The following IL15 variants were observed in gnomAD, a reference collection of about 807,000 sequenced individuals.
IL15 encodes interleukin 15, also known as interleukin-15.
A neutral mutation model predicts 19.6 loss-of-function variants in IL15; 11 were observed. The ratio of observed to expected loss-of-function variants is 0.56; its 90% CI spans 0.35 to 0.93. The LOEUF (loss-of-function observed/expected upper bound fraction) is 0.93, where lower values mean the gene tolerates loss of function less well. IL15 is among the 40% of genes least tolerant of loss of function. IL15 has a pLI of 0.01. For synonymous variants in IL15, 58 were observed against 59.6 expected (o/e 0.97, Z 0.12); for missense variants, 197 against 186.5 (o/e 1.06, Z -0.33).
chr4:141,675,665 T>G (rs1032794314), intron 2 of IL15, among the ~76,000 whole-genome samples: 1 of 152,070 alleles, frequency 6.6e-6, no homozygotes, highest in Non-Finnish European at 1.5e-5. Flanking sequence ...GTCATGACAT[T>G]ACAAGAAAAA....
chr4:141,650,234 C>T (rs1727358854), intron 1 of IL15, among the ~76,000 whole-genome samples: 1 of 151,972 alleles, frequency 6.6e-6, no homozygotes, highest in Non-Finnish European at 1.5e-5. Context: ...ATTTATTGTT[C>T]TGACCCAGAA....
intron 2 of IL15, among the ~76,000 whole-genome samples, chr4:141,709,080 TTTTCAATATTGAAAAA>T (rs1432512300): frequency 1.4e-5 from 2 of 142,016 alleles, no homozygotes; most frequent in East Asian, 2.0e-4. Context: ...ATATTGAAAA[TTTTCAATATTGAAAAA>T]TTTCAATATT....
At chr4:141,695,176 C>A (rs1329227228) in intron 2 of IL15, among the ~76,000 whole-genome samples, 1 of 151,966 alleles carries the variant, frequency 6.6e-6, no homozygotes, top group East Asian at 1.9e-4. Context: ...GGCAGCCACC[C>A]CTATCTAATT....
intron 1 of IL15, among the ~76,000 whole-genome samples, chr4:141,645,297 T>C (rs748865968): frequency 6.6e-6 from 1 of 152,136 alleles, no homozygotes; most frequent in African/African-American, 2.4e-5. Context: ...GTTGGCAAGG[T>C]CTGTGAGACA....
chr4:141,708,342 G>A (rs115261149), intron 2 of IL15, among the ~76,000 whole-genome samples: 319 of 152,264 alleles, frequency 2.1e-3, no homozygotes, highest in African/African-American at 6.9e-3. Context: ...TGAGAGCAGG[G>A]CCTCAGGGAT....
chr4:141,708,299 G>A lies in IL15; in HGVS notation c.-99-11067G>A, dbSNP rs1729593568. Among the ~76,000 whole-genome samples the A allele has an allele frequency of 2.0e-5, 3 of 152,170 alleles. No individual in the cohort carries two copies. The South Asian group carries it at 6.2e-4, about 32-fold the overall frequency. On this transcript the variant is annotated intron_variant, in intron 2 of 7. Coordinates refer to ENST00000320650, the MANE Select transcript of IL15 (RefSeq NM_000585.5). ...CTATGCTCTAGGTAGCTGAGTTTGT[G>A]GTGGTGCAAGCATTCATGTGAACAT... is the stretch of plus-strand genomic sequence containing the variant.
intron 2 of IL15, among the ~76,000 whole-genome samples, chr4:141,713,166 T>C (rs1365165617): frequency 6.6e-6 from 1 of 152,178 alleles, no homozygotes; most frequent in Non-Finnish European, 1.5e-5. Flanking sequence ...GGTGTCAATT[T>C]AAAACAGTTT....
At chr4:141,655,554 G>T (rs1468033232) in intron 1 of IL15, among the ~76,000 whole-genome samples, 1 of 151,916 alleles carries the variant, frequency 6.6e-6, no homozygotes, top group Non-Finnish European at 1.5e-5. Context: ...TAAAATAAAA[G>T]TTATACTACT....
In IL15 at chr4:141,733,056, C is replaced by A. The variant is rs2152195065; in HGVS notation, c.*208C>A. ...ATAGTGACTATGAACTTCTCTCAGACTTACTTTACTCATTTTTTTAATTTA... is the reference window on the plus strand; with the variant it reads ...ATAGTGACTATGAACTTCTCTCAGAATTACTTTACTCATTTTTTTAATTTA... On this transcript the variant is annotated 3_prime_UTR_variant, in exon 8 of 8. Coordinates refer to ENST00000320650, the MANE Select transcript of IL15 (RefSeq NM_000585.5). 2.0e-6 allele frequency: 1 copy of A among 509,034 alleles called. No homozygotes were observed. The highest frequency in any genetic ancestry group is 3.0e-6 in the Non-Finnish European group (1 of 331,200). 31.5% of individuals were successfully genotyped at this position (509,034 alleles called of 1,614,324 possible). A position where few individuals can be genotyped will look rare whatever the true frequency, so the allele number is the denominator to read the frequency against.
At chr4:141,669,248 A>AAT (rs537244461) in intron 2 of IL15, among the ~76,000 whole-genome samples, 101 of 152,344 alleles carry the variant, frequency 6.6e-4, no homozygotes, top group African/African-American at 2.3e-3. Flanking sequence ...TTGGAAATGC[A>AAT]GGTGCCTAAT....
chr4:141,644,397 C>A (rs1281690643), intron 1 of IL15, among the ~76,000 whole-genome samples: 2 of 152,172 alleles, frequency 1.3e-5, no homozygotes, highest in African/African-American at 4.8e-5. Context: ...TCCTCCTAGG[C>A]TGCTGGAGAT....
At chr4:141,639,234 G>C (rs1489393208) in intron 1 of IL15, among the ~76,000 whole-genome samples, 1 of 152,156 alleles carries the variant, frequency 6.6e-6, no homozygotes, top group Non-Finnish European at 1.5e-5. Context: ...ATTTATGGAG[G>C]ATGGTATTAT....
intron 2 of IL15, among the ~76,000 whole-genome samples, chr4:141,684,511 T>G (rs1728645424): frequency 6.6e-6 from 1 of 152,248 alleles, no homozygotes; most frequent in Non-Finnish European, 1.5e-5. Context: ...CGTTTGGCTT[T>G]GAAGGACACA....
chr4:141,672,942 T>C (rs1728222751), intron 2 of IL15, among the ~76,000 whole-genome samples: 1 of 152,212 alleles, frequency 6.6e-6, no homozygotes, highest in African/African-American at 2.4e-5. Flanking sequence ...CAAAGTCTTC[T>C]GGCCAGGCAC....
chr4:141,732,245 C>A (rs1380558354), intron 7 of IL15, among the ~76,000 whole-genome samples: 1 of 151,996 alleles, frequency 6.6e-6, no homozygotes, highest in Non-Finnish European at 1.5e-5. Flanking sequence ...GTAGCAGCAG[C>A]TAAAATAGGA....
At chr4:141,639,794 A>G (rs1227050047) in intron 1 of IL15, among the ~76,000 whole-genome samples, 1 of 152,184 alleles carries the variant, frequency 6.6e-6, no homozygotes, top group Non-Finnish European at 1.5e-5. Context: ...ACTGACACTG[A>G]ACATTGCTTA....
At chr4:141,718,876 CTT>C (rs1729980359) in intron 2 of IL15, 1 of 152,086 alleles carries the variant, frequency 6.6e-6, no homozygotes, top group Non-Finnish European at 1.5e-5. Context: ...ATATTCTTCA[CTT>C]GATTTGAGTG....
At chr4:141,710,738 G>T (rs918414694) in intron 2 of IL15, among the ~76,000 whole-genome samples, 1 of 147,528 alleles carries the variant, frequency 6.8e-6, no homozygotes, top group Non-Finnish European at 1.5e-5. Flanking sequence ...TTTGAGTTTT[G>T]TTTGTTCATT....
At chr4:141,694,317 G>A (rs1167868272) in intron 2 of IL15, among the ~76,000 whole-genome samples, 2 of 152,206 alleles carry the variant, frequency 1.3e-5, no homozygotes, top group African/African-American at 4.8e-5. Flanking sequence ...TAATAAAATA[G>A]CTGGGCATTA....
Sources: allele counts gnomAD v4.1 joint callset (sites outside exome capture counted in the v4.1 genomes callset), GRCh38; gene constraint gnomAD v4.1.1; transcripts MANE v1.5; gene names NCBI Gene and HGNC (gene_info 2026-07-23, HGNC 2026-07-21).